Variants in NEO1 observed in about 807,000 individuals in gnomAD.
The protein encoded by NEO1 is neogenin 1.
NEO1 carries 63 observed loss-of-function variants against 159.7 expected under a neutral mutation model. That is an observed-to-expected ratio of 0.39 (90% CI 0.32 to 0.49). The LOEUF is 0.49. Among genes scored for constraint, NEO1 ranks in the 20% least tolerant of loss-of-function variants. The probability of loss-of-function intolerance (pLI) is 0.85; values close to 1 mark genes in which losing one functional copy is unlikely to be tolerated. For missense variants in NEO1, 1,615 were observed against 1,831.0 expected, an observed-to-expected ratio of 0.88 and a Z score of 2.15; for synonymous variants, 633 against 662.0, an observed-to-expected ratio of 0.96 and a Z score of 0.67.
intron 7 of NEO1, among the ~76,000 whole-genome samples, chr15:73,183,693 A>G (rs1216311325): frequency 6.6e-6 from 1 of 152,160 alleles, no homozygotes; most frequent in Non-Finnish European, 1.5e-5. Context: ...GGGAAAGGTC[A>G]AGAGCACAGA....
chr15:73,118,895 G>T (rs2071470701), intron 2 of NEO1, among the ~76,000 whole-genome samples: 1 of 152,138 alleles, frequency 6.6e-6, no homozygotes. Context: ...GATTAAAATT[G>T]TTGGATGTTA....
At chr15:73,185,523 T>G (rs945559028) in intron 7 of NEO1, among the ~76,000 whole-genome samples, 1 of 152,232 alleles carries the variant, frequency 6.6e-6, no homozygotes, top group African/African-American at 2.4e-5. Context: ...CTCTTATTCA[T>G]TGTTGCTGGG....
At chr15:73,091,676 A>G (rs1053698678) in intron 1 of NEO1, among the ~76,000 whole-genome samples, 11 of 150,540 alleles carry the variant, frequency 7.3e-5, no homozygotes, top group African/African-American at 2.7e-4. Context: ...TGATCTTCCC[A>G]CCACAGCCTC....
chr15:73,095,311 A>T (rs1017552467), intron 1 of NEO1, among the ~76,000 whole-genome samples: 1 of 152,152 alleles, frequency 6.6e-6, no homozygotes, highest in African/African-American at 2.4e-5. Context: ...AAGTGTTTTT[A>T]AAAAAGAATT....
chr15:73,055,307 T>A lies in NEO1; in HGVS notation c.130+2502T>A, dbSNP rs2067645522. Among the ~76,000 whole-genome samples, 3 of 152,342 alleles carry A rather than the reference T, an allele frequency of 2.0e-5. No homozygotes were observed. The South Asian group carries it at 6.2e-4, about 32-fold the overall frequency. ...TGAACCATTTATTTCATGATGTGAT[T>A]CATTGCCTTACAGGGTAGTCCATTT... On this transcript the variant is annotated intron_variant, in intron 1 of 28. Coordinates refer to ENST00000261908, the MANE Select transcript of NEO1 (RefSeq NM_002499.4).
Position 73,305,180 on chromosome 15 carries a change from C to T in NEO1, c.*2484C>T, listed in dbSNP as rs974379704. The T allele has an allele frequency of 2.0e-5, 3 of 151,886 alleles. No individual in the cohort carries two copies. The highest frequency in any genetic ancestry group is 7.3e-5 in the African/African-American group (3 of 41,314). 9.4% of individuals were successfully genotyped at this position (151,886 alleles called of 1,614,324 possible). A position where few individuals can be genotyped will look rare whatever the true frequency, so the allele number is the denominator to read the frequency against. On this transcript the variant is annotated 3_prime_UTR_variant, in exon 29 of 29. Coordinates refer to ENST00000261908, the MANE Select transcript of NEO1 (RefSeq NM_002499.4). ...ATGTTTTTATTTAGTATTGGAAATC[C>T]AATACACTTTTTTAATCCAATCAAA... is the stretch of plus-strand genomic sequence containing the variant.
chr15:73,128,945 T>G (rs1197294475), intron 4 of NEO1, among the ~76,000 whole-genome samples: 3 of 152,226 alleles, frequency 2.0e-5, no homozygotes. Context: ...GCAGTAGACT[T>G]TAAGATTGAG....
intron 7 of NEO1, among the ~76,000 whole-genome samples, chr15:73,210,292 A>G (rs762038931): frequency 3.3e-4 from 50 of 152,152 alleles, no homozygotes; most frequent in Non-Finnish European, 6.5e-4. Flanking sequence ...TAGCCTAGTC[A>G]TTTCTGCATT....
chr15:73,218,371 A>G (rs2038025536), intron 7 of NEO1, among the ~76,000 whole-genome samples: 1 of 151,216 alleles, frequency 6.6e-6, no homozygotes, highest in Non-Finnish European at 1.5e-5. Context: ...CATCAAGGAT[A>G]TTGGTCTAAA....
At chr15:73,075,096 A>G (rs2068706895) in intron 1 of NEO1, among the ~76,000 whole-genome samples, 1 of 152,364 alleles carries the variant, frequency 6.6e-6, no homozygotes, top group South Asian at 2.1e-4. Context: ...GCTTAGATTC[A>G]TAGCACCTAT....
At chr15:73,148,364 A>G (rs1257495500) in intron 5 of NEO1, among the ~76,000 whole-genome samples, 1 of 152,226 alleles carries the variant, frequency 6.6e-6, no homozygotes, top group Non-Finnish European at 1.5e-5. Flanking sequence ...AAGAGATGAT[A>G]GAATTAGGAA....
chr15:73,164,019 A>ATTTTTTTTTTT (rs57049110), intron 5 of NEO1, among the ~76,000 whole-genome samples: 1 of 123,684 alleles, frequency 8.1e-6, no homozygotes, highest in African/African-American at 2.7e-5. Flanking sequence ...TCTTTTTCTT[A>ATTTTTTTTTTT]TTTTTTTTTT....
At chr15:73,105,577 T>G (rs1252678999) in intron 1 of NEO1, among the ~76,000 whole-genome samples, 1 of 152,208 alleles carries the variant, frequency 6.6e-6, no homozygotes, top group Non-Finnish European at 1.5e-5. Flanking sequence ...TTGCCCAGGA[T>G]CCAGTAAGGT....
At chr15:73,269,926 A>G in intron 16 of NEO1, 84 bp from the exon 17 acceptor site, 2 of 1,061,362 alleles carry the variant, frequency 1.9e-6, no homozygotes, top group South Asian at 2.9e-5. Context: ...CTTTCATTCC[A>G]TTATATTACC....
chr15:73,077,667 A>G (rs1378039626), intron 1 of NEO1, among the ~76,000 whole-genome samples: 1 of 152,254 alleles, frequency 6.6e-6, no homozygotes, highest in Non-Finnish European at 1.5e-5. Flanking sequence ...TCATTCAACA[A>G]GCATTTATTG....
At chr15:73,058,675 T>C (rs1386903344) in intron 1 of NEO1, among the ~76,000 whole-genome samples, 1 of 152,234 alleles carries the variant, frequency 6.6e-6, no homozygotes, top group Non-Finnish European at 1.5e-5. Context: ...TCATAACTTT[T>C]TGAAGGTTTT....
intron 22 of NEO1, among the ~76,000 whole-genome samples, chr15:73,282,519 C>T (rs1247819966): frequency 6.6e-6 from 1 of 152,200 alleles, no homozygotes; most frequent in African/African-American, 2.4e-5. Flanking sequence ...TCTCAGATAT[C>T]TGCCTGTTGG....
intron 8 of NEO1, among the ~76,000 whole-genome samples, chr15:73,241,633 A>G (rs2039492640): frequency 6.6e-6 from 1 of 152,204 alleles, no homozygotes; most frequent in Admixed American, 6.5e-5. Flanking sequence ...CTTTCTTTCT[A>G]TAAAGTGTGC....
chr15:73,206,679 A>C (rs947202675), intron 7 of NEO1, among the ~76,000 whole-genome samples: 1 of 152,070 alleles, frequency 6.6e-6, no homozygotes, highest in African/African-American at 2.4e-5. Context: ...GGTCTTGCTT[A>C]TCTGCTCATT....
Sources: allele counts gnomAD v4.1 joint callset (sites outside exome capture counted in the v4.1 genomes callset), GRCh38; gene constraint gnomAD v4.1.1; transcripts MANE v1.5; gene names NCBI Gene and HGNC (gene_info 2026-07-23, HGNC 2026-07-21).